Variants in LDLRAD2 observed in about 807,000 individuals in gnomAD.
The protein encoded by LDLRAD2 is low-density lipoprotein receptor class A domain-containing protein 2.
LDLRAD2 carries 25 observed loss-of-function variants against 24.9 expected under a neutral mutation model. That is an observed-to-expected ratio of 1.00 (90% CI 0.73 to 1.40). The LOEUF (loss-of-function observed/expected upper bound fraction) is 1.40. LDLRAD2 is among the 40% of genes most tolerant of loss of function. The probability of loss-of-function intolerance (pLI) is 0.00; values close to 1 mark genes in which losing one functional copy is unlikely to be tolerated. For synonymous variants in LDLRAD2, 182 were observed against 166.7 expected (o/e 1.09, Z -0.71); for missense variants, 391 against 366.2 (o/e 1.07, Z -0.55).
At chr1:21,814,355 G>C in intron 1 of LDLRAD2, 43 bp from the exon 2 acceptor site, 1 of 1,507,694 alleles carries the variant, frequency 6.6e-7, no homozygotes, top group Non-Finnish European at 8.9e-7. Context: ...GTAGAGTTCG[G>C]GGTCGCGCCG....
intron 3 of LDLRAD2, 124 bp downstream of exon 3, chr1:21,816,198 G>T: frequency 7.5e-7 from 1 of 1,329,756 alleles, no homozygotes. Context: ...GTGTGGAATC[G>T]GCTTAGGCCA....
intron 3 of LDLRAD2, among the ~76,000 whole-genome samples, chr1:21,816,663 AC>A (rs2097944298): frequency 6.6e-6 from 1 of 152,044 alleles, no homozygotes; most frequent in Non-Finnish European, 1.5e-5. Flanking sequence ...TGCCCACCAC[AC>A]CCAATTAGGA....
Position 21,822,246 on chromosome 1 carries a change from G to GATAAA in LDLRAD2, c.*31_*32insATAAA, listed in dbSNP as rs2097953547. On this transcript the variant is annotated 3_prime_UTR_variant, in exon 5 of 5. Transcript: ENST00000344642. ...TCATCAAAGACTCAGGAGGCCCCTG[G>GATAAA]CGGGGATAGCACCGTTTATTAAGAA... is the stretch of plus-strand genomic sequence containing the variant. 2 of 1,602,748 alleles carry GATAAA rather than the reference G, an allele frequency of 1.2e-6. No homozygotes were observed. The highest frequency in any genetic ancestry group is 1.7e-6 in the Non-Finnish European group (2 of 1,169,828).
At position 21,824,174 on chromosome 1, in the gene LDLRAD2, C is replaced by T. The variant is rs1291682542; in HGVS notation, c.*1959C>T. ...CGTCATTGATGGGGTCCTCAGAGAC[C>T]AGGCGGGCCTCCCCACTACCCAGCT... On this transcript the variant is annotated 3_prime_UTR_variant, in exon 5 of 5. Coordinates refer to ENST00000344642, the MANE Select transcript of LDLRAD2 (RefSeq NM_001013693.3). The surrounding 1 kb of genome is among the most constrained non-coding windows in gnomAD (Gnocchi z 5.9). 2 of 1,613,752 alleles carry T rather than the reference C, an allele frequency of 1.2e-6. No homozygotes were observed. The highest frequency in any genetic ancestry group is 1.7e-6 in the Non-Finnish European group (2 of 1,180,034).
At position 21,824,462 on chromosome 1, in the gene LDLRAD2, C is replaced by T; in HGVS notation, c.*2247C>T. 6.2e-7 allele frequency: 1 copy of T among 1,602,856 alleles called. No individual in the cohort carries two copies. Among genetic ancestry groups the T allele is most frequent in the Non-Finnish European group, 8.5e-7 (1 of 1,172,344 alleles). On this transcript the variant is annotated 3_prime_UTR_variant, in exon 5 of 5. Coordinates refer to ENST00000344642, the MANE Select transcript of LDLRAD2 (RefSeq NM_001013693.3). The surrounding 1 kb of genome is among the most constrained non-coding windows in gnomAD (Gnocchi z 5.9). The stretch of plus-strand genomic sequence containing the variant: ...CAGGGGGCTCTGCTTTCCCCTCCCC[C>T]CACCACTCCGGCCACCAGGAAGCCA...
Position 21,822,340 on chromosome 1 carries a change from C to A in LDLRAD2, c.*125C>A. 1.1e-6 allele frequency: 1 copy of A among 908,706 alleles called. No homozygotes were observed. Among genetic ancestry groups the A allele is most frequent in the South Asian group, 1.4e-5 (1 of 70,712 alleles). The allele number at this position is 908,706 out of a possible 1,614,324, so 56.3% of individuals were successfully genotyped here. A position where few individuals can be genotyped will look rare whatever the true frequency, so the allele number is the denominator to read the frequency against. On this transcript the variant is annotated 3_prime_UTR_variant, in exon 5 of 5. Coordinates refer to ENST00000344642, the MANE Select transcript of LDLRAD2 (RefSeq NM_001013693.3). ...AGGCCAGGCGTCCCAACCCCACAGTCTGGGGGCCACTGGCAGGATGGCACT... is the reference window on the plus strand; with the variant it reads ...AGGCCAGGCGTCCCAACCCCACAGTATGGGGGCCACTGGCAGGATGGCACT...
Position 21,812,329 on chromosome 1 carries a change from C to T in LDLRAD2, c.-123C>T. The T allele has an allele frequency of 2.9e-6, 2 of 679,324 alleles. No individual in the cohort carries two copies. Among genetic ancestry groups the T allele is most frequent in the Non-Finnish European group, 5.2e-6 (2 of 382,994 alleles). The allele number at this position is 679,324 out of a possible 1,614,324, so 42.1% of individuals were successfully genotyped here. Reference sequence around the variant, plus strand: ...GATCATAGTGAAGACTTGCCTCCCCCTTCTCCTTGTGTCCCACCAGCCTCC... The same window carrying T: ...GATCATAGTGAAGACTTGCCTCCCCTTTCTCCTTGTGTCCCACCAGCCTCC... On this transcript the variant is annotated 5_prime_UTR_variant, in exon 1 of 5. Coordinates refer to ENST00000344642, the MANE Select transcript of LDLRAD2 (RefSeq NM_001013693.3).
chr1:21,819,731 T>C (rs1447832041), intron 3 of LDLRAD2, among the ~76,000 whole-genome samples: 1 of 152,052 alleles, frequency 6.6e-6, no homozygotes, highest in East Asian at 1.9e-4. Context: ...ATGGCGGTGA[T>C]GGCTGCACAA....
chr1:21,815,528 A>G (rs2097943007), intron 2 of LDLRAD2, among the ~76,000 whole-genome samples: 2 of 152,356 alleles, frequency 1.3e-5, no homozygotes, highest in African/African-American at 4.8e-5. Context: ...CTGTAATCCC[A>G]GCACTTTGGG....
At chr1:21,819,125 GC>G (rs1240256746) in intron 3 of LDLRAD2, among the ~76,000 whole-genome samples, 1 of 151,992 alleles carries the variant, frequency 6.6e-6, no homozygotes, top group Non-Finnish European at 1.5e-5. Context: ...TGTAATCCCA[GC>G]ACTTTGGGAG....
chr1:21,822,241 C>T lies in LDLRAD2; in HGVS notation c.*26C>T, dbSNP rs2097953509. ...AGCCCTCATCAAAGACTCAGGAGGCCCCTGGCGGGGATAGCACCGTTTATT... is the reference window on the plus strand; with the variant it reads ...AGCCCTCATCAAAGACTCAGGAGGCTCCTGGCGGGGATAGCACCGTTTATT... On this transcript the variant is annotated 3_prime_UTR_variant, in exon 5 of 5. Transcript: ENST00000344642. 1.2e-6 allele frequency: 2 copies of T among 1,608,130 alleles called. No homozygotes were observed. The highest frequency in any genetic ancestry group is 2.2e-5 in the South Asian group (2 of 90,956).
At position 21,816,014 on chromosome 1, in the gene LDLRAD2, G is replaced by T. The variant is rs772122561; in HGVS notation, c.583G>T (p.Gly195Cys). The T allele has an allele frequency of 1.9e-6, 3 of 1,613,834 alleles. No homozygotes were observed. The South Asian group carries it at 3.3e-5, about 18-fold the overall frequency. ...IPSSLVCDPW[G>C]MDNCGDGSDQ... The stretch of plus-strand genomic sequence containing the variant: ...CTCAAGCCTCGTGTGTGACCCCTGG[G>T]GCATGGACAACTGTGGCGATGGCAG... Residue 195 changes from glycine to cysteine, a missense_variant, in exon 3 of 5, where the codon GGC becomes TGC. Gly to Cys is a radical substitution (Grantham distance 159, BLOSUM62 -3). Transcript: ENST00000344642.
Position 21,814,433 on chromosome 1 carries a change from G to C in LDLRAD2, c.121G>C (p.Gly41Arg). 1 of 1,608,930 alleles carries C rather than the reference G, an allele frequency of 6.2e-7. No individual in the cohort carries two copies. The highest frequency in any genetic ancestry group is 8.5e-7 in the Non-Finnish European group (1 of 1,177,746). The change falls in exon 2 of 5, where the codon GGG (glycine) becomes CGG (arginine). Residue 41 changes from glycine to arginine, a missense_variant. Physicochemically the swap from Gly to Arg is moderately radical, Grantham distance 125 (BLOSUM62 -2). Coordinates refer to ENST00000344642, the MANE Select transcript of LDLRAD2 (RefSeq NM_001013693.3). ...GGAACTGTGCGGGCAGACGTGGCAG[G>C]GGGACGGGCTGCTGCTGCGCTCGCA... ...LAELCGQTWQGDGLLLRSHAA... is the reference protein window; with the variant it reads ...LAELCGQTWQRDGLLLRSHAA...
chr1:21,814,705 CG>C lies in LDLRAD2; in HGVS notation c.395del (p.Gly132AlafsTer2), dbSNP rs1477880485. On this transcript the variant is annotated frameshift_variant, in exon 2 of 5. Transcript: ENST00000344642. LOFTEE classifies it high-confidence loss of function. The part of the protein sequence containing the change: ...APRPLGSPLC[G>X]LNIPVPVASS... ...CCCGGCCCCTGGGGTCCCCACTGTGCGGCCTGAACATCCCGGTGCCTGTGGC... is the reference window on the plus strand; with the variant it reads ...CCCGGCCCCTGGGGTCCCCACTGTGCGCCTGAACATCCCGGTGCCTGTGGC... The C allele has an allele frequency of 6.4e-7, 1 of 1,565,966 alleles. No homozygotes were observed.
chr1:21,822,106 C>T, intron 4 of LDLRAD2, 96 bp from the exon 5 acceptor site: 1 of 1,607,752 alleles, frequency 6.2e-7, no homozygotes, highest in Non-Finnish European at 8.5e-7. Context: ...AGGACAATTC[C>T]TGCCTCACAG....
chr1:21,819,115 T>C (rs1013555508), intron 3 of LDLRAD2, among the ~76,000 whole-genome samples: 2 of 152,086 alleles, frequency 1.3e-5, no homozygotes, highest in Admixed American at 6.6e-5. Context: ...GGCTCACGCC[T>C]GTAATCCCAG....
At chr1:21,816,510 C>T (rs1433743978) in intron 3 of LDLRAD2, among the ~76,000 whole-genome samples, 1 of 152,102 alleles carries the variant, frequency 6.6e-6, no homozygotes, top group Non-Finnish European at 1.5e-5. Flanking sequence ...AGTGACTTGC[C>T]CAAGGTCATA....
chr1:21,823,394 G>C lies in LDLRAD2; in HGVS notation c.*1179G>C, dbSNP rs759562639. ...CCAGGGGCTGTGGGGGCGGGGCGCCGGGTCGGGCCGAGTGCAGCACCAGGT... is the reference window on the plus strand; with the variant it reads ...CCAGGGGCTGTGGGGGCGGGGCGCCCGGTCGGGCCGAGTGCAGCACCAGGT... On this transcript the variant is annotated 3_prime_UTR_variant, in exon 5 of 5. Coordinates refer to ENST00000344642, the MANE Select transcript of LDLRAD2 (RefSeq NM_001013693.3). 1.3e-6 allele frequency: 2 copies of C among 1,562,842 alleles called. No homozygotes were observed. The highest frequency in any genetic ancestry group is 1.7e-6 in the Non-Finnish European group (2 of 1,158,956).
In LDLRAD2 at chr1:21,814,717, C is replaced by A; in HGVS notation, c.405C>A (p.Ile135=). 1.9e-6 allele frequency: 3 copies of A among 1,557,772 alleles called. No individual in the cohort carries two copies. The highest frequency in any genetic ancestry group is 2.6e-6 in the Non-Finnish European group (3 of 1,152,874). The change falls in exon 2 of 5, where the codon ATC becomes ATA. Residue 135 remains isoleucine (I), a synonymous_variant. Coordinates refer to ENST00000344642, the MANE Select transcript of LDLRAD2 (RefSeq NM_001013693.3). The stretch of plus-strand genomic sequence containing the variant: ...GGTCCCCACTGTGCGGCCTGAACAT[C>A]CCGGTGCCTGTGGCATCCTCCGGAC... ...PLGSPLCGLN[I]PVPVASSGPF...
Sources: gnomAD v4.1 joint callset for allele counts (sites outside exome capture counted in the v4.1 genomes callset) on GRCh38, gnomAD v4.1.1 for gene constraint, Gnocchi (gnomAD v3.1) non-coding constraint, MANE v1.5 for transcripts, NCBI Gene and HGNC (gene_info 2026-07-23, HGNC 2026-07-21) for gene names.